Variants in PSTPIP1 observed in about 807,000 individuals in gnomAD.
The protein encoded by PSTPIP1 is proline-serine-threonine phosphatase interacting protein 1.
A neutral mutation model predicts 69.6 loss-of-function variants in PSTPIP1; 66 were observed. That is an observed-to-expected ratio of 0.95 (90% CI 0.78 to 1.16). The LOEUF (loss-of-function observed/expected upper bound fraction) is 1.16. PSTPIP1 is among the 50% of genes most tolerant of loss of function. The pLI, the probability that PSTPIP1 is intolerant of heterozygous loss-of-function variation, is 0.00. For synonymous variants in PSTPIP1, 266 were observed against 222.7 expected, an observed-to-expected ratio of 1.19 and a Z score of -1.73; for missense variants, 603 against 557.4, an observed-to-expected ratio of 1.08 and a Z score of -0.82.
At chr15:76,995,689 C>A in intron 1 of PSTPIP1, 80 bp downstream of exon 1, 1 of 1,604,972 alleles carries the variant, frequency 6.2e-7, no homozygotes, top group Non-Finnish European at 8.5e-7. Context: ...TGATGGGATG[C>A]GGCTCCGAGA....
At chr15:77,023,275 A>G (rs1292056447) in intron 3 of PSTPIP1, among the ~76,000 whole-genome samples, 1 of 152,244 alleles carries the variant, frequency 6.6e-6, no homozygotes, top group East Asian at 1.9e-4. Flanking sequence ...GGCCAGCCCA[A>G]AGTGACATCA....
intron 1 of PSTPIP1, among the ~76,000 whole-genome samples, chr15:77,007,577 C>G (rs2075840544): frequency 6.6e-6 from 1 of 151,804 alleles, no homozygotes; most frequent in Admixed American, 6.5e-5. Context: ...CCACTGCACT[C>G]CAGCCTGGGC....
intron 1 of PSTPIP1, among the ~76,000 whole-genome samples, chr15:76,995,937 T>A (rs2075569333): frequency 6.6e-6 from 1 of 151,864 alleles, no homozygotes; most frequent in African/African-American, 2.4e-5. Flanking sequence ...AAAGGAGGGG[T>A]CACAGATTTA....
intron 1 of PSTPIP1, among the ~76,000 whole-genome samples, chr15:77,006,592 G>A (rs1433457470): frequency 6.6e-6 from 1 of 152,088 alleles, no homozygotes; most frequent in Non-Finnish European, 1.5e-5. Flanking sequence ...TTACATCTAG[G>A]TGTTCACTTC....
intron 1 of PSTPIP1, among the ~76,000 whole-genome samples, chr15:76,995,953 C>T (rs1352409822): frequency 6.6e-6 from 1 of 152,184 alleles, no homozygotes. Flanking sequence ...ATTTAGAGAC[C>T]AGACAAACTT....
upstream of PSTPIP1, chr15:76,994,849 G>C: frequency 7.8e-7 from 1 of 1,289,130 alleles, no homozygotes. Context: ...CTAGTGCGGG[G>C]TGGGGAGTCT....
chr15:77,032,562 T>G, intron 11 of PSTPIP1, 168 bp downstream of exon 11: 1 of 692,052 alleles, frequency 1.4e-6, no homozygotes, highest in South Asian at 1.9e-5. Flanking sequence ...GCCTGCTGCC[T>G]CCTCTCAGGC....
intron 1 of PSTPIP1, among the ~76,000 whole-genome samples, chr15:76,998,434 A>T (rs2075627401): frequency 6.6e-6 from 1 of 152,150 alleles, no homozygotes; most frequent in Admixed American, 6.5e-5. Flanking sequence ...GCTTTCCTTA[A>T]AGCTCATATA....
chr15:77,032,555 T>A lies in PSTPIP1; in HGVS notation c.838+161T>A, dbSNP rs1049006449. 1.3e-5 allele frequency: 9 copies of A among 712,308 alleles called. No individual in the cohort carries two copies. In the South Asian group the frequency reaches 1.7e-4, roughly 13 times the overall value. 44.1% of individuals were successfully genotyped at this position (712,308 alleles called of 1,614,324 possible). On this transcript the variant is annotated intron_variant, in intron 11 of 14. Coordinates refer to ENST00000558012, the MANE Select transcript of PSTPIP1 (RefSeq NM_003978.5). ...GTTGTGGGGAGTTGGGTCCCAGGCC[T>A]GCTGCCTCCTCTCAGGCAAAGCTAA...
chr15:77,035,411 G>T, intron 12 of PSTPIP1, 97 bp from the exon 13 acceptor site: 1 of 1,267,270 alleles, frequency 7.9e-7, no homozygotes, highest in South Asian at 1.3e-5. Context: ...GGCAGAGCGC[G>T]TGCAGCTCTG....
rs1455541356 is a variant in PSTPIP1 at position 77,018,229 on chromosome 15, G to A, written c.118G>A (p.Glu40Lys). 1 of 1,583,838 alleles carries A rather than the reference G, an allele frequency of 6.3e-7. No individual in the cohort carries two copies. The highest frequency in any genetic ancestry group is 8.6e-7 in the Non-Finnish European group (1 of 1,165,948). Residue 40 changes from glutamate (E) to lysine (K), a missense_variant, in exon 2 of 15, where the codon GAG (glutamate) becomes AAG (lysine). By Grantham distance (56) the Glu-to-Lys change is moderately conservative. Coordinates refer to ENST00000558012, the MANE Select transcript of PSTPIP1 (RefSeq NM_003978.5). ...LDGRKMCKDM[E>K]ELLRQRAQAE... ...TGGCAGGAAGATGTGCAAAGACATG[G>A]AGGAGCTACTGAGGCAGAGGTGAGC...
At chr15:77,006,439 G>T (rs1568486994) in intron 1 of PSTPIP1, among the ~76,000 whole-genome samples, 1 of 152,120 alleles carries the variant, frequency 6.6e-6, no homozygotes, top group Non-Finnish European at 1.5e-5. Context: ...ATATACAAAA[G>T]TTTTTCATTT....
intron 3 of PSTPIP1, 56 bp downstream of exon 3, chr15:77,018,587 C>A: frequency 1.3e-6 from 2 of 1,485,956 alleles, no homozygotes; most frequent in African/African-American, 1.4e-5. Flanking sequence ...AGTTTCTGGG[C>A]CTTTAGATGA....
chr15:77,034,834 TTC>T (rs1319271229), intron 12 of PSTPIP1, among the ~76,000 whole-genome samples: 2 of 152,230 alleles, frequency 1.3e-5, no homozygotes, highest in African/African-American at 4.8e-5. Flanking sequence ...CATCTGCCTC[TTC>T]TGTTTTATTT....
chr15:77,031,387 G>C, intron 10 of PSTPIP1, 109 bp downstream of exon 10: 1 of 1,252,264 alleles, frequency 8.0e-7, no homozygotes, highest in East Asian at 2.4e-5. Context: ...TGTGATCCAA[G>C]CCTGGCCCCA....
intron 12 of PSTPIP1, among the ~76,000 whole-genome samples, chr15:77,034,900 T>TGCAGGG (rs2076519017): frequency 6.6e-6 from 1 of 152,264 alleles, no homozygotes; most frequent in African/African-American, 2.4e-5. Flanking sequence ...CTAAGCCTGG[T>TGCAGGG]GCAGGGGCAG....
rs1229310107 is a variant in PSTPIP1 at position 77,037,452 on chromosome 15, G to A, written c.*276G>A. On this transcript the variant is annotated 3_prime_UTR_variant, in exon 15 of 15. Transcript: ENST00000558012. ...TGTGGAGCTCCCCAACTCAGCCGAG[G>A]CTTCAGCTATAGTTGGAGAAGAGGC... 2.1e-5 allele frequency: 7 copies of A among 341,368 alleles called. No individual in the cohort carries two copies. Among genetic ancestry groups the A allele is most frequent in the Non-Finnish European group, 3.3e-5 (6 of 180,244 alleles). 21.1% of individuals were successfully genotyped at this position (341,368 alleles called of 1,614,324 possible).
Position 77,036,782 on chromosome 15 carries a change from CCA to C in PSTPIP1, c.1120-262_1120-261del, listed in dbSNP as rs748852205. Among the ~76,000 whole-genome samples, 3 of 152,234 alleles carry C rather than the reference CCA, an allele frequency of 2.0e-5. No individual in the cohort carries two copies. In the South Asian group the frequency reaches 6.2e-4, roughly 32 times the overall value. ...GAGCACCCGTGACCCCTGACATGCT[CCA>C]GTCACTGCGTCTCCAGAATGGGAGA... On this transcript the variant is annotated intron_variant, in intron 14 of 14. Transcript: ENST00000558012.
In PSTPIP1 at chr15:77,018,411, A is replaced by C. The variant is rs377512417; in HGVS notation, c.138-46A>C. 4 of 1,552,550 alleles carry C rather than the reference A, an allele frequency of 2.6e-6. No homozygotes were observed. In the South Asian group the frequency reaches 3.6e-5, roughly 14 times the overall value. Reference sequence around the variant, plus strand: ...TCCCTCAAACCTGGGCCTCCCCCAGAGGTGGCAAGTCACTGATGATCTTTC... The same window carrying C: ...TCCCTCAAACCTGGGCCTCCCCCAGCGGTGGCAAGTCACTGATGATCTTTC... On this transcript the variant is annotated intron_variant, in intron 2 of 14. Coordinates refer to ENST00000558012, the MANE Select transcript of PSTPIP1 (RefSeq NM_003978.5).
Sources: gnomAD v4.1 joint callset for allele counts (sites outside exome capture counted in the v4.1 genomes callset) on GRCh38, gnomAD v4.1.1 for gene constraint, MANE v1.5 for transcripts, NCBI Gene and HGNC (gene_info 2026-07-23, HGNC 2026-07-21) for gene names.